Variants in CSMD1 observed in about 807,000 individuals in gnomAD.
CSMD1 encodes the protein CUB and Sushi multiple domains 1, also known as CUB and sushi domain-containing protein 1.
A neutral mutation model predicts 417.5 loss-of-function variants in CSMD1; 213 were observed. The ratio of observed to expected loss-of-function variants is 0.51; its 90% CI spans 0.46 to 0.57. The LOEUF is 0.57. CSMD1 is among the 20% of genes least tolerant of loss of function. The probability of loss-of-function intolerance (pLI) is 0.00; values close to 1 mark genes in which losing one functional copy is unlikely to be tolerated. For missense variants in CSMD1, 6,923 were observed against 4,529.7 expected (o/e 1.53, Z -15.17); for synonymous variants, 2,862 against 1,736.8 (o/e 1.65, Z -16.11).
At chr8:3,911,636 G>T (rs1042568590) in intron 5 of CSMD1, among the ~76,000 whole-genome samples, 1 of 151,834 alleles carries the variant, frequency 6.6e-6, no homozygotes, top group African/African-American at 2.4e-5. Context: ...ATAACTAGGA[G>T]TGGCTTTCAT....
chr8:3,808,143 T>C (rs1026201380), intron 5 of CSMD1, among the ~76,000 whole-genome samples: 3 of 152,194 alleles, frequency 2.0e-5, no homozygotes, highest in Admixed American at 2.0e-4. Context: ...TGTGAAATCA[T>C]CTATAATCTC....
At chr8:4,186,611 A>T (rs751041695) in intron 3 of CSMD1, among the ~76,000 whole-genome samples, 2 of 152,282 alleles carry the variant, frequency 1.3e-5, no homozygotes, top group African/African-American at 4.8e-5. Flanking sequence ...CCCCTCTCTC[A>T]ATCTTCCAGG....
At chr8:3,606,181 G>A (rs1008531861) in intron 8 of CSMD1, among the ~76,000 whole-genome samples, 2 of 152,188 alleles carry the variant, frequency 1.3e-5, no homozygotes, top group Admixed American at 1.3e-4. Context: ...GGGTGGGGGA[G>A]GACAGAGATG....
intron 43 of CSMD1, among the ~76,000 whole-genome samples, chr8:3,109,086 G>T (rs1489463669): frequency 2.0e-5 from 3 of 152,116 alleles, no homozygotes; most frequent in Non-Finnish European, 4.4e-5. Context: ...CCAACATGGT[G>T]AAACCCTGTC....
chr8:3,562,636 C>G (rs1471334260), intron 10 of CSMD1, among the ~76,000 whole-genome samples: 3 of 152,004 alleles, frequency 2.0e-5, no homozygotes, highest in South Asian at 4.2e-4. Flanking sequence ...AGGCAAATAT[C>G]CTGGATCTGT....
At chr8:2,962,433 C>G in intron 61 of CSMD1, 33 bp downstream of exon 61, 1 of 1,577,366 alleles carries the variant, frequency 6.3e-7, no homozygotes, top group Non-Finnish European at 8.7e-7. Flanking sequence ...CAAATACTCC[C>G]AGGTATCCCC....
chr8:4,204,483 T>C (rs1034875565), intron 3 of CSMD1, among the ~76,000 whole-genome samples: 1 of 152,170 alleles, frequency 6.6e-6, no homozygotes, highest in Non-Finnish European at 1.5e-5. Context: ...ACTTTCTAGA[T>C]TGTAAAATAA....
chr8:3,398,269 A>T (rs1811821855), intron 16 of CSMD1, among the ~76,000 whole-genome samples: 1 of 152,198 alleles, frequency 6.6e-6, no homozygotes, highest in African/African-American at 2.4e-5. Flanking sequence ...AACGTAATCA[A>T]CTGAATACTT....
At chr8:4,532,587 C>T (rs1796885824) in intron 2 of CSMD1, among the ~76,000 whole-genome samples, 1 of 145,896 alleles carries the variant, frequency 6.9e-6, no homozygotes, top group Non-Finnish European at 1.5e-5. Context: ...CCCATTCAGT[C>T]ACTCTGGAAG....
chr8:4,918,118 C>T (rs1806192590), intron 1 of CSMD1, among the ~76,000 whole-genome samples: 1 of 152,088 alleles, frequency 6.6e-6, no homozygotes, highest in Admixed American at 6.6e-5. Context: ...TATTCTATTA[C>T]AAAACTGCCC....
At chr8:4,823,139 T>G (rs2117395811) in intron 1 of CSMD1, among the ~76,000 whole-genome samples, 1 of 152,250 alleles carries the variant, frequency 6.6e-6, no homozygotes, top group African/African-American at 2.4e-5. Context: ...TACTGGATGC[T>G]TTATGCAGCA....
chr8:3,041,421 G>T (rs1015908592), intron 50 of CSMD1, among the ~76,000 whole-genome samples: 1 of 152,120 alleles, frequency 6.6e-6, no homozygotes, highest in Non-Finnish European at 1.5e-5. Flanking sequence ...TTGAAAAGGC[G>T]CTAACATGAA....
intron 3 of CSMD1, among the ~76,000 whole-genome samples, chr8:4,334,395 G>A (rs1010397477): frequency 6.6e-6 from 1 of 152,038 alleles, no homozygotes; most frequent in African/African-American, 2.4e-5. Context: ...TCAATCTGAG[G>A]GGAACTTTAA....
intron 15 of CSMD1, among the ~76,000 whole-genome samples, chr8:3,403,649 C>T (rs942859021): frequency 2.6e-5 from 4 of 152,102 alleles, no homozygotes; most frequent in Non-Finnish European, 2.9e-5. Flanking sequence ...TGACTTGTGG[C>T]CAGGACAGAA....
chr8:4,676,482 T>C lies in CSMD1; in HGVS notation c.86-38924A>G, dbSNP rs115946047. Among the ~76,000 whole-genome samples, 389 of 152,244 alleles carry C rather than the reference T, an allele frequency of 2.6e-3. 2 individuals carry two copies. The highest frequency in any genetic ancestry group is 9.0e-3 in the African/African-American group (372 of 41,554). Reference sequence around the variant, plus strand: ...CTATCTTCAACTCTCCTTCAACTTATCACAGGTCCTGCTAATTTTGCCTTC... The same window carrying C: ...CTATCTTCAACTCTCCTTCAACTTACCACAGGTCCTGCTAATTTTGCCTTC... On this transcript the variant is annotated intron_variant, in intron 1 of 69. Transcript: ENST00000635120.
At chr8:3,450,225 C>A (rs766396672) in intron 12 of CSMD1, among the ~76,000 whole-genome samples, 17 of 152,196 alleles carry the variant, frequency 1.1e-4, no homozygotes, top group Non-Finnish European at 2.4e-4. Flanking sequence ...CGTTGACCAA[C>A]TGACTTCATG....
intron 7 of CSMD1, among the ~76,000 whole-genome samples, chr8:3,618,071 G>T (rs962939282): frequency 2.6e-5 from 4 of 152,008 alleles, no homozygotes; most frequent in Non-Finnish European, 5.9e-5. Flanking sequence ...GCACAATCAT[G>T]GATCACTGCA....
intron 3 of CSMD1, among the ~76,000 whole-genome samples, chr8:4,131,478 G>C (rs962508871): frequency 6.6e-6 from 1 of 152,120 alleles, no homozygotes; most frequent in African/African-American, 2.4e-5. Context: ...ATAAAAGTTT[G>C]AAACCAAATA....
At chr8:3,523,967 A>G (rs1797635413) in intron 10 of CSMD1, among the ~76,000 whole-genome samples, 1 of 151,024 alleles carries the variant, frequency 6.6e-6, no homozygotes, top group African/African-American at 2.4e-5. Flanking sequence ...GCACACTTAC[A>G]CATGCACACA....
Sources: allele counts gnomAD v4.1 joint callset (sites outside exome capture counted in the v4.1 genomes callset), GRCh38; gene constraint gnomAD v4.1.1; transcripts MANE v1.5; gene names NCBI Gene and HGNC (gene_info 2026-07-23, HGNC 2026-07-21).